ANKH: variants seen among roughly 807,000 people sequenced by gnomAD.
The protein encoded by ANKH is ANKH inorganic pyrophosphate transport regulator.
Under a neutral mutation model 49.0 loss-of-function variants are expected in ANKH, and 15 were observed. That is an observed-to-expected ratio of 0.31 (90% CI 0.20 to 0.47). ANKH has a LOEUF of 0.47. Ranked by LOEUF, ANKH falls within the 20% of genes least tolerant of loss-of-function variation. ANKH has a pLI of 1.00. For missense variants in ANKH, 429 were observed against 652.0 expected (o/e 0.66, Z 3.72); for synonymous variants, 273 against 260.0 (o/e 1.05, Z -0.48).
At chr5:14,750,134 C>T (rs1738664817) in intron 5 of ANKH, among the ~76,000 whole-genome samples, 1 of 152,152 alleles carries the variant, frequency 6.6e-6, no homozygotes, top group African/African-American at 2.4e-5. Context: ...AAAACAATTA[C>T]TGCTTGATAC....
chr5:14,709,249 T>C lies in ANKH; in HGVS notation c.*1948A>G, dbSNP rs1316050562. 1 of 151,980 alleles carries C rather than the reference T, an allele frequency of 6.6e-6. No individual in the cohort carries two copies. The allele number at this position is 151,980 out of a possible 1,614,324, so 9.4% of individuals were successfully genotyped here. A position where few individuals can be genotyped will look rare whatever the true frequency, so the allele number is the denominator to read the frequency against. On this transcript the variant is annotated 3_prime_UTR_variant, in exon 12 of 12. Transcript: ENST00000284268. ...ACCCCAGAAGCATGAAAGTCACACA[T>C]GTTAAAAAATACTGTTTAATTTTCT...
intron 1 of ANKH, among the ~76,000 whole-genome samples, chr5:14,857,256 C>T (rs760073157): frequency 6.6e-6 from 1 of 152,156 alleles, no homozygotes; most frequent in South Asian, 2.1e-4. Context: ...CAATACAGCC[C>T]CTGCCCTCCC....
At chr5:14,786,468 A>C (rs1291890497) in intron 1 of ANKH, among the ~76,000 whole-genome samples, 2 of 152,214 alleles carry the variant, frequency 1.3e-5, no homozygotes, top group East Asian at 3.8e-4. Context: ...CATAGGAGAA[A>C]AAACAAGAGA....
chr5:14,858,750 TA>T (rs1446914309), intron 1 of ANKH, among the ~76,000 whole-genome samples: 1 of 103,950 alleles, frequency 9.6e-6, no homozygotes, highest in Non-Finnish European at 2.0e-5. Flanking sequence ...AATAAATAAA[TA>T]AATAAATAAA....
At chr5:14,762,855 TA>T (rs1253518096) in intron 2 of ANKH, among the ~76,000 whole-genome samples, 1 of 152,242 alleles carries the variant, frequency 6.6e-6, no homozygotes, top group African/African-American at 2.4e-5. Context: ...AAGACTGTTC[TA>T]AAACAGCTTG....
At chr5:14,716,152 G>A (rs1737447667) in intron 9 of ANKH, among the ~76,000 whole-genome samples, 1 of 152,190 alleles carries the variant, frequency 6.6e-6, no homozygotes, top group South Asian at 2.1e-4. Flanking sequence ...AGCTCCACAT[G>A]CTATCCTTTC....
rs1475032373 is a variant in ANKH, at chr5:14,717,454, C to T, written c.1012-619G>A. 4.6e-5 allele frequency among the ~76,000 whole-genome samples: 7 copies of T among 152,276 alleles called. No individual in the cohort carries two copies. In the East Asian group the frequency reaches 5.8e-4, roughly 13 times the overall value. ...ACACAGGAAAAGGGAATCTTGAACC[C>T]GATGGGGAAAGTGGAGCTCTCTCCC... On this transcript the variant is annotated intron_variant, in intron 8 of 11. Coordinates refer to ENST00000284268, the MANE Select transcript of ANKH (RefSeq NM_054027.6).
Position 14,849,564 on chromosome 5 carries a change from T to C in ANKH, c.96+21788A>G, listed in dbSNP as rs569259761. ...CATGTTATTCTCTGTTCGGGTCTCA[T>C]TGTCATGATATACAATAGACACATA... On this transcript the variant is annotated intron_variant, in intron 1 of 11. Coordinates refer to ENST00000284268, the MANE Select transcript of ANKH (RefSeq NM_054027.6). 1.2e-4 allele frequency among the ~76,000 whole-genome samples: 19 copies of C among 152,326 alleles called. No individual in the cohort carries two copies. The South Asian group carries it at 2.5e-3, about 20-fold the overall frequency.
At chr5:14,723,964 C>T (rs1737746958) in intron 8 of ANKH, among the ~76,000 whole-genome samples, 1 of 152,184 alleles carries the variant, frequency 6.6e-6, no homozygotes, top group Admixed American at 6.5e-5. Context: ...GTGAGCCAGT[C>T]AGTTTCCAGG....
chr5:14,858,562 A>C (rs1344822411), intron 1 of ANKH, among the ~76,000 whole-genome samples: 1 of 152,012 alleles, frequency 6.6e-6, no homozygotes, highest in Non-Finnish European at 1.5e-5. Context: ...CTAAAAATAC[A>C]AAAATTAGCC....
At position 14,770,939 on chromosome 5, in the gene ANKH, T is replaced by C. The variant is rs1388993832; in HGVS notation, c.97-1748A>G. The stretch of plus-strand genomic sequence containing the variant: ...TCCAATAGAGACACAATCACATTCA[T>C]AGAATTCATATTCAGTCTCTGCTAT... On this transcript the variant is annotated intron_variant, in intron 1 of 11. Coordinates refer to ENST00000284268, the MANE Select transcript of ANKH (RefSeq NM_054027.6). This position sits in a 1 kb window ranked among gnomAD's most constrained non-coding sequence, Gnocchi z 4.1. 6.6e-6 allele frequency among the ~76,000 whole-genome samples: 1 copy of C among 152,240 alleles called. No homozygotes were observed. The highest frequency in any genetic ancestry group is 2.4e-5 in the African/African-American group (1 of 41,454).
At chr5:14,712,443 G>T (rs908220307) in intron 11 of ANKH, among the ~76,000 whole-genome samples, 2 of 152,190 alleles carry the variant, frequency 1.3e-5, no homozygotes, top group African/African-American at 4.8e-5. Flanking sequence ...TCTCTGCTCC[G>T]CCCATGACCA....
rs530343163 is a variant in ANKH, at chr5:14,725,563, C to T, written c.1012-8728G>A. On this transcript the variant is annotated intron_variant, in intron 8 of 11. Transcript: ENST00000284268. The surrounding 1 kb of genome is among the most constrained non-coding windows in gnomAD (Gnocchi z 4.0). ...TTTGCATAAACCGCTTTTCCAGCAC[C>T]GGCACACCAAATGTGATCCACGGAT... 3.9e-5 allele frequency among the ~76,000 whole-genome samples: 6 copies of T among 152,252 alleles called. No individual in the cohort carries two copies. The highest frequency in any genetic ancestry group is 3.9e-4 in the East Asian group (2 of 5,184).
intron 8 of ANKH, among the ~76,000 whole-genome samples, chr5:14,717,915 C>A (rs569908511): frequency 3.8e-4 from 58 of 152,200 alleles, no homozygotes; most frequent in African/African-American, 1.4e-3. Flanking sequence ...TTTGGATTTT[C>A]GATTTTTGGA....
intron 8 of ANKH, among the ~76,000 whole-genome samples, chr5:14,717,951 A>G (rs1265512354): frequency 1.3e-5 from 2 of 152,142 alleles, no homozygotes; most frequent in Non-Finnish European, 2.9e-5. Context: ...CTGTACATGG[A>G]AAACGGGGGA....
chr5:14,867,720 T>C lies in ANKH; in HGVS notation c.96+3632A>G, dbSNP rs575436265. ...GACTACAGGCACCCGCCACCGCGCCTGGCTAATTTTTTGTATTTTTAGTAG... is the reference window on the plus strand; with the variant it reads ...GACTACAGGCACCCGCCACCGCGCCCGGCTAATTTTTTGTATTTTTAGTAG... On this transcript the variant is annotated intron_variant, in intron 1 of 11. Coordinates refer to ENST00000284268, the MANE Select transcript of ANKH (RefSeq NM_054027.6). 1.4e-4 allele frequency among the ~76,000 whole-genome samples: 22 copies of C among 152,240 alleles called. No individual in the cohort carries two copies. In the Middle Eastern group the frequency reaches 0.01, roughly 71 times the overall value.
At position 14,841,431 on chromosome 5, in the gene ANKH, G is replaced by A. The variant is rs1446751100; in HGVS notation, c.96+29921C>T. On this transcript the variant is annotated intron_variant, in intron 1 of 11. Coordinates refer to ENST00000284268, the MANE Select transcript of ANKH (RefSeq NM_054027.6). ...CCTGCCTCAGCCTCCCAAGTAGCTG[G>A]GATTACAGGCATGTGCCCCAACGCC... Among the ~76,000 whole-genome samples the A allele has an allele frequency of 2.0e-5, 3 of 151,922 alleles. No homozygotes were observed. The East Asian group carries it at 5.8e-4, about 29-fold the overall frequency.
chr5:14,810,128 A>G (rs1740833791), intron 1 of ANKH, among the ~76,000 whole-genome samples: 1 of 151,796 alleles, frequency 6.6e-6, no homozygotes, highest in East Asian at 1.9e-4. Context: ...GAGGGAGGAG[A>G]ATAACTACTA....
intron 1 of ANKH, among the ~76,000 whole-genome samples, chr5:14,847,604 C>A (rs1353727744): frequency 1.3e-5 from 2 of 152,122 alleles, no homozygotes; most frequent in African/African-American, 4.8e-5. Flanking sequence ...CTGCATGGGG[C>A]CACGTCAGCT....
Sources: allele counts gnomAD v4.1 joint callset (sites outside exome capture counted in the v4.1 genomes callset), GRCh38; gene constraint gnomAD v4.1.1; non-coding constraint Gnocchi (gnomAD v3.1); transcripts MANE v1.5; gene names NCBI Gene and HGNC (gene_info 2026-07-23, HGNC 2026-07-21).